WDR7: variants seen among roughly 807,000 people sequenced by gnomAD.
WDR7 encodes WD repeat domain 7.
WDR7 carries 46 observed loss-of-function variants against 169.4 expected under a neutral mutation model. That is an observed-to-expected ratio of 0.27 (90% CI 0.21 to 0.35). The LOEUF (loss-of-function observed/expected upper bound fraction) is 0.35. Among genes scored for constraint, WDR7 ranks in the 10% least tolerant of loss-of-function variants. WDR7 has a pLI of 1.00. For missense variants in WDR7, 1,534 were observed against 1,859.3 expected (o/e 0.83, Z 3.22); for synonymous variants, 612 against 666.8 (o/e 0.92, Z 1.27).
At chr18:56,757,493 T>A in intron 15 of WDR7, 141 bp downstream of exon 15, 1 of 820,896 alleles carries the variant, frequency 1.2e-6, no homozygotes, top group Non-Finnish European at 1.8e-6. Context: ...TTTTACATTT[T>A]AAAACACCAG....
At chr18:56,826,326 A>G (rs996917921) in intron 20 of WDR7, among the ~76,000 whole-genome samples, 10 of 115,364 alleles carry the variant, frequency 8.7e-5, no homozygotes, top group African/African-American at 2.4e-4. Flanking sequence ...ATACCTGTGA[A>G]TGATTGCTTT....
At chr18:56,686,180 A>G in intron 6 of WDR7, 148 bp downstream of exon 6, 1 of 590,066 alleles carries the variant, frequency 1.7e-6, no homozygotes, top group East Asian at 3.4e-5. Flanking sequence ...AGTATGGAAG[A>G]TTCTCTAGTA....
chr18:57,027,941 A>G lies in WDR7; in HGVS notation c.*734A>G, dbSNP rs535005172. The G allele has an allele frequency of 2.0e-5, 3 of 152,314 alleles. No homozygotes were observed. Among genetic ancestry groups the G allele is most frequent in the Admixed American group, 6.5e-5 (1 of 15,308 alleles). The allele number at this position is 152,314 out of a possible 1,614,324, so 9.4% of individuals were successfully genotyped here. ...CTATTTAGTAGTTTAAAATAAAAAT[A>G]ATCACTCCCTATGATCTAGTTAATG... On this transcript the variant is annotated 3_prime_UTR_variant, in exon 28 of 28. Transcript: ENST00000254442.
intron 21 of WDR7, among the ~76,000 whole-genome samples, chr18:56,886,849 A>G (rs2046203805): frequency 6.6e-6 from 1 of 152,230 alleles, no homozygotes. Flanking sequence ...TATATCAGAC[A>G]AATTTTAAAG....
At chr18:56,829,046 G>T (rs1393191490) in intron 20 of WDR7, among the ~76,000 whole-genome samples, 2 of 150,774 alleles carry the variant, frequency 1.3e-5, no homozygotes, top group East Asian at 3.9e-4. Context: ...GAGCACAGTG[G>T]CTCACATACG....
intron 16 of WDR7, among the ~76,000 whole-genome samples, chr18:56,771,551 ATC>A (rs1204303635): frequency 1.4e-5 from 2 of 146,850 alleles, no homozygotes; most frequent in Non-Finnish European, 1.5e-5. Context: ...GCAAAACCCC[ATC>A]TCTACCCTCC....
At chr18:56,705,866 C>T (rs1267045650) in intron 12 of WDR7, among the ~76,000 whole-genome samples, 8 of 152,104 alleles carry the variant, frequency 5.3e-5, no homozygotes, top group Non-Finnish European at 7.4e-5. Context: ...GGTGTGGTGG[C>T]GCGTGCCTAT....
intron 26 of WDR7, among the ~76,000 whole-genome samples, chr18:56,966,816 C>T (rs879768035): frequency 6.6e-6 from 1 of 152,046 alleles, no homozygotes; most frequent in Admixed American, 6.6e-5. Flanking sequence ...TGGTCAGATG[C>T]CCAGGGAGAT....
intron 20 of WDR7, among the ~76,000 whole-genome samples, chr18:56,858,302 G>A (rs1197831918): frequency 6.6e-6 from 1 of 151,936 alleles, no homozygotes; most frequent in Non-Finnish European, 1.5e-5. Flanking sequence ...AGTAGCTACT[G>A]CCTCTGTCTC....
chr18:56,850,358 C>G (rs887255564), intron 20 of WDR7, among the ~76,000 whole-genome samples: 20 of 152,204 alleles, frequency 1.3e-4, no homozygotes, highest in African/African-American at 4.8e-4. Flanking sequence ...TTCCATATAG[C>G]AGCACCTGAA....
At chr18:56,712,411 A>C (rs2026106107) in intron 12 of WDR7, among the ~76,000 whole-genome samples, 1 of 152,218 alleles carries the variant, frequency 6.6e-6, no homozygotes, top group South Asian at 2.1e-4. Context: ...TGGCAAATCC[A>C]ATGAGCCTTT....
intron 22 of WDR7, 124 bp from the exon 23 acceptor site, chr18:56,935,664 T>C: frequency 1.2e-6 from 1 of 856,688 alleles, no homozygotes; most frequent in South Asian, 1.5e-5. Context: ...GCAAGTCCAT[T>C]ATATTCTAAC....
At chr18:56,992,312 A>G (rs140560744) in intron 26 of WDR7, among the ~76,000 whole-genome samples, 100 of 152,350 alleles carry the variant, frequency 6.6e-4, no homozygotes, top group African/African-American at 2.2e-3. Flanking sequence ...TTAAATGTCT[A>G]TGGGAAGAAA....
chr18:57,018,070 T>G (rs1319649707), intron 26 of WDR7, among the ~76,000 whole-genome samples: 7 of 152,228 alleles, frequency 4.6e-5, no homozygotes, highest in Admixed American at 4.6e-4. Context: ...GTAACATGCT[T>G]TGGACCTGGT....
Position 56,879,998 on chromosome 18 carries a change from G to A in WDR7, c.3359G>A (p.Arg1120Lys). 1 of 1,614,100 alleles carries A rather than the reference G, an allele frequency of 6.2e-7. No individual in the cohort carries two copies. The highest frequency in any genetic ancestry group is 8.5e-7 in the Non-Finnish European group (1 of 1,179,986). Reference protein sequence around the residue: ...MKKISTSYEERRKQATAIVLL... With the variant: ...MKKISTSYEEKRKQATAIVLL... ...AAAATTTCTACATCTTACGAGGAAAGACGGAAGCAAGCTACCGCTATTGTT... is the reference window on the plus strand; with the variant it reads ...AAAATTTCTACATCTTACGAGGAAAAACGGAAGCAAGCTACCGCTATTGTT... The change falls in exon 21 of 28, where the codon AGA (arginine) becomes AAA (lysine). Residue 1120 changes from arginine (R) to lysine (K), a missense_variant. Arg to Lys is a conservative substitution (Grantham distance 26, BLOSUM62 2). Transcript: ENST00000254442.
intron 21 of WDR7, among the ~76,000 whole-genome samples, chr18:56,900,110 A>ATATATATATATATATAT (rs1568256012): frequency 1.7e-4 from 25 of 147,780 alleles, no homozygotes; most frequent in East Asian, 2.0e-4. Flanking sequence ...ATATATATAT[A>ATATATATATATATATAT]AAATTGTTAA....
At chr18:56,944,145 C>A (rs985752138) in intron 25 of WDR7, among the ~76,000 whole-genome samples, 11 of 151,796 alleles carry the variant, frequency 7.2e-5, no homozygotes, top group African/African-American at 2.4e-4. Flanking sequence ...TGAGCCACCA[C>A]GCCCAGCTCA....
At chr18:56,762,895 GA>G (rs1225054250) in intron 16 of WDR7, among the ~76,000 whole-genome samples, 1 of 108,086 alleles carries the variant, frequency 9.3e-6, no homozygotes, top group African/African-American at 3.0e-5. Flanking sequence ...ACCTTAGTAA[GA>G]ATTTTTTTTT....
intron 20 of WDR7, among the ~76,000 whole-genome samples, chr18:56,872,385 T>A (rs2045965145): frequency 6.6e-6 from 1 of 152,122 alleles, no homozygotes; most frequent in African/African-American, 2.4e-5. Flanking sequence ...TCATAGCCCT[T>A]TAAATAGCTT....
Sources: gnomAD v4.1 joint callset for allele counts (sites outside exome capture counted in the v4.1 genomes callset) on GRCh38, gnomAD v4.1.1 for gene constraint, MANE v1.5 for transcripts, NCBI Gene and HGNC (gene_info 2026-07-23, HGNC 2026-07-21) for gene names.